Variants in TAF12 observed in about 807,000 individuals in gnomAD.
The protein encoded by TAF12 is TATA-box binding protein associated factor 12.
In TAF12, 3 loss-of-function variants were observed where a neutral mutation model predicts 20.8. That is an observed-to-expected ratio of 0.14 (90% CI 0.07 to 0.37). The LOEUF (loss-of-function observed/expected upper bound fraction) is 0.37. Ranked by LOEUF, TAF12 falls within the 10% of genes least tolerant of loss-of-function variation. The probability of loss-of-function intolerance (pLI) is 1.00; values close to 1 mark genes in which losing one functional copy is unlikely to be tolerated. For synonymous variants in TAF12, 69 were observed against 70.2 expected, an observed-to-expected ratio of 0.98 and a Z score of 0.09; for missense variants, 131 against 197.9, an observed-to-expected ratio of 0.66 and a Z score of 2.03.
At chr1:28,628,941 G>A (rs553055199) in intron 1 of TAF12, among the ~76,000 whole-genome samples, 45 of 152,276 alleles carry the variant, frequency 3.0e-4, no homozygotes, top group Non-Finnish European at 5.4e-4. Flanking sequence ...GCGCGTTGGC[G>A]GGCGCCTGTA....
chr1:28,629,217 AT>A (rs1160739243), intron 1 of TAF12, among the ~76,000 whole-genome samples: 1 of 152,158 alleles, frequency 6.6e-6, no homozygotes, highest in Non-Finnish European at 1.5e-5. Flanking sequence ...AGAACGTCTT[AT>A]TTTTCACTGT....
intron 1 of TAF12, among the ~76,000 whole-genome samples, chr1:28,638,242 T>G (rs965867391): frequency 6.6e-6 from 1 of 151,774 alleles, no homozygotes; most frequent in Non-Finnish European, 1.5e-5. Context: ...CAGGCTGGAG[T>G]GCAAAGGGGC....
chr1:28,641,304 A>G (rs945175156), intron 1 of TAF12, among the ~76,000 whole-genome samples: 4 of 151,946 alleles, frequency 2.6e-5, no homozygotes, highest in Non-Finnish European at 2.9e-5. Flanking sequence ...CCAACATGGC[A>G]AAAACCTGTC....
chr1:28,621,484 A>G (rs1442184335), intron 2 of TAF12, among the ~76,000 whole-genome samples: 1 of 152,220 alleles, frequency 6.6e-6, no homozygotes, highest in African/African-American at 2.4e-5. Context: ...TTTATTTAAC[A>G]ACTACATGGT....
At chr1:28,639,648 G>A (rs1021374135) in intron 1 of TAF12, among the ~76,000 whole-genome samples, 2 of 152,010 alleles carry the variant, frequency 1.3e-5, no homozygotes, top group Admixed American at 6.6e-5. Context: ...GTGGTGACAT[G>A]GGCATCGGTA....
chr1:28,631,045 CAAA>C (rs903921514), intron 1 of TAF12, among the ~76,000 whole-genome samples: 53 of 52,940 alleles, frequency 1.0e-3, no homozygotes, highest in African/African-American at 3.7e-3. Context: ...ACTCCGTCTC[CAAA>C]AAAAAAAAAA....
chr1:28,603,911 T>TC (rs534380564), intron 5 of TAF12, among the ~76,000 whole-genome samples: 337 of 151,128 alleles, frequency 2.2e-3, no homozygotes, highest in African/African-American at 7.6e-3. Flanking sequence ...TTTCTTTCTT[T>TC]TTTTTTTTTT....
chr1:28,605,396 A>C lies in TAF12; in HGVS notation c.426T>G (p.Ala142=). 4.3e-6 allele frequency: 7 copies of C among 1,614,072 alleles called. No homozygotes were observed. The highest frequency in any genetic ancestry group is 5.9e-6 in the Non-Finnish European group (7 of 1,180,008). Residue 142 remains alanine (A), a synonymous_variant, in exon 5 of 6, where the codon GCT becomes GCG. Coordinates refer to ENST00000373824, the MANE Select transcript of TAF12 (RefSeq NM_005644.4). ...CCTGTTTGTGAGCTTCTGTGGTGCA[A>C]GCTTTTTTGTAGGGTCGGATTTCTT... ...GSEEIRPYKK[A]CTTEAHKQRM...
intron 4 of TAF12, among the ~76,000 whole-genome samples, chr1:28,608,062 T>C (rs1666725734): frequency 6.6e-6 from 1 of 151,382 alleles, no homozygotes; most frequent in Non-Finnish European, 1.5e-5. Context: ...CCGGGCGTGA[T>C]GGCTCATGCC....
chr1:28,633,912 C>CA (rs34756071), intron 1 of TAF12, among the ~76,000 whole-genome samples: 615 of 47,480 alleles, frequency 0.013, 10 homozygotes, highest in East Asian at 0.066. Context: ...AACTCCATCT[C>CA]AAAAAAAAAA....
rs939514286 is a variant in TAF12 at position 28,625,845 on chromosome 1, C to T, written c.-84-3680G>A. Among the ~76,000 whole-genome samples the T allele has an allele frequency of 3.1e-4, 46 of 150,034 alleles. 2 individuals carry two copies. The highest frequency in any genetic ancestry group is 1.1e-3 in the African/African-American group (46 of 40,240). On this transcript the variant is annotated intron_variant, in intron 1 of 5. Coordinates refer to ENST00000373824, the MANE Select transcript of TAF12 (RefSeq NM_005644.4). ...CGTGAGCCACCGCGCCTGGCCCCAG[C>T]TAATTTTTTTTTTTGGTAGAGATGG...
rs377693586 is a variant in TAF12, at chr1:28,607,093, TA to T, written c.362-1634del. On this transcript the variant is annotated intron_variant, in intron 4 of 5. Transcript: ENST00000373824. ...TATTCCTCTTTGACAGTAACTGGCA[TA>T]GGGGCATGGCCCCCTAAACTCATGT... Among the ~76,000 whole-genome samples, 55 of 152,362 alleles carry T rather than the reference TA, an allele frequency of 3.6e-4. 1 individual carries two copies. In the East Asian group the frequency reaches 9.6e-3, roughly 27 times the overall value.
upstream of TAF12, among the ~76,000 whole-genome samples, chr1:28,647,206 CTG>C (rs1160248004): frequency 6.6e-6 from 1 of 152,140 alleles, no homozygotes; most frequent in Non-Finnish European, 1.5e-5. Context: ...AAACACTAAA[CTG>C]TTCACAGTTT....
chr1:28,636,332 TAAC>T (rs1667821664), intron 1 of TAF12, among the ~76,000 whole-genome samples: 1 of 151,894 alleles, frequency 6.6e-6, no homozygotes, highest in African/African-American at 2.4e-5. Context: ...ATCCTGTCTC[TAAC>T]AACAACAAAA....
intron 1 of TAF12, chr1:28,648,171 T>C (rs1419153443): frequency 5.1e-6 from 5 of 985,308 alleles, no homozygotes; most frequent in Non-Finnish European, 3.6e-6. Flanking sequence ...TTTGGATAGG[T>C]TGTGATTCTT....
At chr1:28,643,082 G>T, upstream of TAF12, 3 of 985,864 alleles carry the variant, frequency 3.0e-6, no homozygotes, top group Non-Finnish European at 3.6e-6. Context: ...GGCCCTCCCC[G>T]ACTACTTCCG....
chr1:28,615,670 C>G (rs1433059675), intron 3 of TAF12, among the ~76,000 whole-genome samples: 1 of 96,624 alleles, frequency 1.0e-5, no homozygotes, highest in Non-Finnish European at 1.8e-5. Context: ...CAGAGCGAGA[C>G]TCCGTCTCAA....
Position 28,618,043 on chromosome 1 carries a change from GGAA to G in TAF12, c.169-16_169-14del. 5.0e-6 allele frequency: 8 copies of G among 1,604,244 alleles called. No individual in the cohort carries two copies. Among genetic ancestry groups the G allele is most frequent in the Non-Finnish European group, 6.8e-6 (8 of 1,173,162 alleles). ...TCTTGGTCAATACCTAAAGTTAATT[GGAA>G]GAAGACTTTTCAACCAGATATTAAG... On this transcript the variant is annotated splice_polypyrimidine_tract_variant and intron_variant, in intron 2 of 5. Transcript: ENST00000373824.
chr1:28,633,853 G>A (rs1034540607), intron 1 of TAF12, among the ~76,000 whole-genome samples: 5 of 147,754 alleles, frequency 3.4e-5, no homozygotes, highest in Admixed American at 2.0e-4. Context: ...CGGAGGTTCC[G>A]GTGAGCCGAG....
Sources: gnomAD v4.1 joint callset for allele counts (sites outside exome capture counted in the v4.1 genomes callset) on GRCh38, gnomAD v4.1.1 for gene constraint, MANE v1.5 for transcripts, NCBI Gene and HGNC (gene_info 2026-07-23, HGNC 2026-07-21) for gene names.